ROBO2: variants seen among roughly 807,000 people sequenced by gnomAD.
ROBO2 encodes roundabout homolog 2.
A neutral mutation model predicts 160.8 loss-of-function variants in ROBO2; 53 were observed. The ratio of observed to expected loss-of-function variants is 0.33; its 90% confidence interval spans 0.26 to 0.41. The LOEUF (loss-of-function observed/expected upper bound fraction) is 0.41, where lower values mean the gene tolerates loss of function less well. Among genes scored for constraint, ROBO2 ranks in the 10% least tolerant of loss-of-function variants. The pLI is 1.00. For synonymous variants in ROBO2, 664 were observed against 611.7 expected, an observed-to-expected ratio of 1.09 and a Z score of -1.26; for missense variants, 1,577 against 1,722.4, an observed-to-expected ratio of 0.92 and a Z score of 1.49.
intron 2 of ROBO2, among the ~76,000 whole-genome samples, chr3:76,606,761 T>C (rs1305901897): frequency 2.0e-5 from 3 of 152,224 alleles, no homozygotes; most frequent in East Asian, 1.9e-4. Context: ...AACCAGAGGA[T>C]TAATGGTTAA....
chr3:76,861,975 T>C (rs2070829475), intron 2 of ROBO2, among the ~76,000 whole-genome samples: 1 of 152,128 alleles, frequency 6.6e-6, no homozygotes, highest in Non-Finnish European at 1.5e-5. Flanking sequence ...AGTTCTCTGC[T>C]CTTCTTTTCT....
intron 2 of ROBO2, among the ~76,000 whole-genome samples, chr3:76,909,326 A>G (rs1305677100): frequency 1.3e-5 from 2 of 152,216 alleles, no homozygotes; most frequent in Non-Finnish European, 2.9e-5. Context: ...TTGCCTCTGC[A>G]TGTGCACTCG....
intron 2 of ROBO2, among the ~76,000 whole-genome samples, chr3:76,777,603 G>C (rs1576565707): frequency 6.7e-6 from 1 of 150,144 alleles, no homozygotes; most frequent in Non-Finnish European, 1.5e-5. Context: ...CCTTTCAGTA[G>C]TTATTTGTCC....
intron 2 of ROBO2, among the ~76,000 whole-genome samples, chr3:76,185,324 A>T (rs1701711371): frequency 6.6e-6 from 1 of 150,692 alleles, no homozygotes; most frequent in Admixed American, 6.7e-5. Context: ...ATCTATTATC[A>T]TTGCTTTAAG....
intron 1 of ROBO2, among the ~76,000 whole-genome samples, chr3:75,908,285 G>A (rs1278426676): frequency 4.6e-5 from 7 of 152,062 alleles, no homozygotes; most frequent in Admixed American, 4.6e-4. Flanking sequence ...TAAGATATAT[G>A]TATCTACTTT....
intron 2 of ROBO2, among the ~76,000 whole-genome samples, chr3:77,210,022 C>A (rs2083918611): frequency 6.6e-6 from 1 of 152,104 alleles, no homozygotes; most frequent in East Asian, 1.9e-4. Context: ...TTCCAAGAAT[C>A]TTTACATTAT....
intron 2 of ROBO2, among the ~76,000 whole-genome samples, chr3:75,939,671 G>GTA (rs1947952949): frequency 6.6e-6 from 1 of 152,054 alleles, no homozygotes; most frequent in South Asian, 2.1e-4. Context: ...GATTGCTTAG[G>GTA]TATAATGAGC....
At chr3:76,891,613 T>C (rs1371286888) in intron 2 of ROBO2, among the ~76,000 whole-genome samples, 4 of 152,040 alleles carry the variant, frequency 2.6e-5, no homozygotes, top group African/African-American at 9.7e-5. Flanking sequence ...GAAAGTCCAG[T>C]GGATAACAAA....
At chr3:76,468,244 T>A (rs555264903) in intron 2 of ROBO2, among the ~76,000 whole-genome samples, 1 of 152,254 alleles carries the variant, frequency 6.6e-6, no homozygotes, top group East Asian at 1.9e-4. Flanking sequence ...AGGATTCAAA[T>A]ATGGGAATTG....
chr3:75,916,164 A>G (rs1048505194), intron 1 of ROBO2, among the ~76,000 whole-genome samples: 1 of 152,182 alleles, frequency 6.6e-6, no homozygotes, highest in Non-Finnish European at 1.5e-5. Context: ...GGTAATGGTG[A>G]TTGATGCACA....
intron 2 of ROBO2, among the ~76,000 whole-genome samples, chr3:76,689,178 T>G (rs2107168909): frequency 6.6e-6 from 1 of 152,236 alleles, no homozygotes; most frequent in East Asian, 1.9e-4. Flanking sequence ...CAAATTCAAT[T>G]ATGTTTCAGA....
At chr3:76,514,840 G>A (rs951096685) in intron 2 of ROBO2, among the ~76,000 whole-genome samples, 1 of 152,146 alleles carries the variant, frequency 6.6e-6, no homozygotes, top group Non-Finnish European at 1.5e-5. Flanking sequence ...ATGATTGCCT[G>A]AATGAAGTGT....
At chr3:76,273,303 A>G (rs937856388) in intron 2 of ROBO2, among the ~76,000 whole-genome samples, 5 of 150,918 alleles carry the variant, frequency 3.3e-5, no homozygotes, top group African/African-American at 4.9e-5. Context: ...CGAGGCAATT[A>G]TGCTTAGAAT....
intron 2 of ROBO2, among the ~76,000 whole-genome samples, chr3:77,251,309 A>G (rs1490824985): frequency 6.6e-6 from 1 of 152,086 alleles, no homozygotes; most frequent in Non-Finnish European, 1.5e-5. Context: ...TTCTAGAGCC[A>G]TGGGTCAAGC....
At chr3:77,595,914 A>G (rs996855416) in intron 18 of ROBO2, among the ~76,000 whole-genome samples, 5 of 152,134 alleles carry the variant, frequency 3.3e-5, no homozygotes, top group African/African-American at 9.7e-5. Flanking sequence ...TTCTGTGTAA[A>G]TATGCTAGTA....
chr3:76,685,375 G>T (rs189746463), intron 2 of ROBO2, among the ~76,000 whole-genome samples: 7 of 152,048 alleles, frequency 4.6e-5, no homozygotes, highest in Admixed American at 2.6e-4. Flanking sequence ...TATTTTAAAG[G>T]TTTAAAGCTT....
At chr3:76,316,651 TTAAAG>T (rs1279390494) in intron 2 of ROBO2, among the ~76,000 whole-genome samples, 3 of 152,298 alleles carry the variant, frequency 2.0e-5, no homozygotes, top group African/African-American at 4.8e-5. Context: ...GATTAGGAGA[TTAAAG>T]TAAAGACAGG....
At chr3:76,449,114 G>C (rs983587930) in intron 2 of ROBO2, among the ~76,000 whole-genome samples, 2 of 152,070 alleles carry the variant, frequency 1.3e-5, no homozygotes, top group African/African-American at 2.4e-5. Flanking sequence ...ATGGAACAGG[G>C]TTCTCCAAAA....
At chr3:77,269,541 AT>A (rs1429290515) in intron 2 of ROBO2, among the ~76,000 whole-genome samples, 1 of 152,140 alleles carries the variant, frequency 6.6e-6, no homozygotes, top group Non-Finnish European at 1.5e-5. Context: ...TGAATAAACA[AT>A]CCCCTTTGAG....
Sources: gnomAD v4.1 joint callset for allele counts (sites outside exome capture counted in the v4.1 genomes callset) on GRCh38, gnomAD v4.1.1 for gene constraint, MANE v1.5 for transcripts, NCBI Gene and HGNC (gene_info 2026-07-23, HGNC 2026-07-21) for gene names.